The following ARHGAP15 variants were observed in gnomAD, a reference collection of about 807,000 sequenced individuals.
The protein encoded by ARHGAP15 is rho GTPase-activating protein 15.
ARHGAP15 carries 51 observed loss-of-function variants against 63.7 expected under a neutral mutation model. The observed-to-expected ratio is 0.80, with a 90% CI of 0.64 to 1.01. The LOEUF is 1.01. ARHGAP15 is among the 50% of genes least tolerant of loss of function. The pLI is 0.00. For missense variants in ARHGAP15, 560 were observed against 564.6 expected (o/e 0.99, Z 0.08); for synonymous variants, 191 against 193.8 (o/e 0.99, Z 0.12).
intron 1 of ARHGAP15, among the ~76,000 whole-genome samples, chr2:143,150,049 G>C (rs186968822): frequency 4.6e-5 from 7 of 151,902 alleles, no homozygotes; most frequent in African/African-American, 1.7e-4. Context: ...GGATGCTGGG[G>C]GGTGTGGGCC....
intron 13 of ARHGAP15, among the ~76,000 whole-genome samples, chr2:143,745,200 T>C (rs1461058139): frequency 6.6e-6 from 1 of 152,244 alleles, no homozygotes; most frequent in African/African-American, 2.4e-5. Context: ...TAGATGTATC[T>C]GGTTACCTTT....
chr2:143,382,171 G>A (rs1345891321), intron 6 of ARHGAP15, among the ~76,000 whole-genome samples: 1 of 147,604 alleles, frequency 6.8e-6, no homozygotes, highest in Non-Finnish European at 1.5e-5. Context: ...CAGCCTCAGT[G>A]TCACTAGCTT....
chr2:143,257,010 C>T (rs576515113), intron 6 of ARHGAP15, among the ~76,000 whole-genome samples: 5 of 151,972 alleles, frequency 3.3e-5, no homozygotes, highest in Non-Finnish European at 7.4e-5. Flanking sequence ...TCTTTTTGCA[C>T]GTTTAATTTT....
At chr2:143,624,486 A>G (rs1698762843) in intron 12 of ARHGAP15, among the ~76,000 whole-genome samples, 1 of 152,056 alleles carries the variant, frequency 6.6e-6, no homozygotes, top group Non-Finnish European at 1.5e-5. Flanking sequence ...GAAAAAAAAT[A>G]TGACATCCTA....
intron 11 of ARHGAP15, among the ~76,000 whole-genome samples, chr2:143,596,108 C>A (rs573895886): frequency 1.3e-5 from 2 of 152,178 alleles, no homozygotes; most frequent in Admixed American, 1.3e-4. Context: ...GATTATGTGG[C>A]ATGTAGATTC....
intron 11 of ARHGAP15, among the ~76,000 whole-genome samples, chr2:143,596,462 C>A (rs1211708409): frequency 6.6e-6 from 1 of 152,186 alleles, no homozygotes; most frequent in South Asian, 2.1e-4. Flanking sequence ...AGAGTTGCAA[C>A]TCATAGTCTG....
intron 6 of ARHGAP15, among the ~76,000 whole-genome samples, chr2:143,330,124 AAAAAAAACCAAAAACAAAAAAC>A (rs1684468212): frequency 4.8e-5 from 4 of 84,150 alleles, no homozygotes; most frequent in Non-Finnish European, 1.0e-4. Context: ...AAAAAAAAAA[AAAAAAAACCAAAAACAAAAAAC>A]TAAACTAATG....
chr2:143,744,599 A>G (rs1432319556), intron 13 of ARHGAP15, among the ~76,000 whole-genome samples: 1 of 152,240 alleles, frequency 6.6e-6, no homozygotes, highest in Non-Finnish European at 1.5e-5. Context: ...CAAGAGTGCG[A>G]ATGTATAAAC....
chr2:143,237,735 A>C (rs1258613119), intron 5 of ARHGAP15: 1 of 152,220 alleles, frequency 6.6e-6, no homozygotes, highest in Non-Finnish European at 1.5e-5. Context: ...CAGAAAATTT[A>C]GTGTCACTTT....
At position 143,373,545 on chromosome 2, in the gene ARHGAP15, G is replaced by A. The variant is rs540120356; in HGVS notation, c.475-62056G>A. Reference sequence around the variant, plus strand: ...CTTGGGAGGCTGAGGCAGGAGAATGGCATGAGCTGGGGAGGCGGAGCTTGC... The same window carrying A: ...CTTGGGAGGCTGAGGCAGGAGAATGACATGAGCTGGGGAGGCGGAGCTTGC... On this transcript the variant is annotated intron_variant, in intron 6 of 13. Coordinates refer to ENST00000295095, the MANE Select transcript of ARHGAP15 (RefSeq NM_018460.4). Among the ~76,000 whole-genome samples the A allele has an allele frequency of 3.4e-5, 5 of 146,920 alleles. No homozygotes were observed. The East Asian group carries it at 9.9e-4, about 29-fold the overall frequency.
chr2:143,662,124 GACAA>G (rs1559110737), intron 12 of ARHGAP15, among the ~76,000 whole-genome samples: 4 of 152,374 alleles, frequency 2.6e-5, no homozygotes, highest in Non-Finnish European at 5.9e-5. Context: ...GCAGGGCACA[GACAA>G]ACAAAAAGCA....
At chr2:143,140,864 C>T (rs1357882250) in intron 1 of ARHGAP15, among the ~76,000 whole-genome samples, 1 of 152,148 alleles carries the variant, frequency 6.6e-6, no homozygotes, top group African/African-American at 2.4e-5. Context: ...GGGAAGACAA[C>T]CAGCTATGGT....
intron 6 of ARHGAP15, among the ~76,000 whole-genome samples, chr2:143,258,545 TC>T (rs1212165005): frequency 6.6e-6 from 1 of 152,022 alleles, no homozygotes; most frequent in Non-Finnish European, 1.5e-5. Flanking sequence ...GAAAAAAAAT[TC>T]AAAAGGATAT....
At chr2:143,511,323 G>A (rs2104960287) in intron 9 of ARHGAP15, among the ~76,000 whole-genome samples, 1 of 152,210 alleles carries the variant, frequency 6.6e-6, no homozygotes, top group Admixed American at 6.5e-5. Flanking sequence ...CCCAATCAAT[G>A]TATATCCTGC....
intron 12 of ARHGAP15, among the ~76,000 whole-genome samples, chr2:143,671,527 C>T (rs1231236222): frequency 6.6e-6 from 1 of 152,120 alleles, no homozygotes; most frequent in South Asian, 2.1e-4. Flanking sequence ...ATTGTTTTAT[C>T]TTTGCAAAAT....
chr2:143,155,730 A>C, intron 2 of ARHGAP15, 75 bp downstream of exon 2: 1 of 1,423,994 alleles, frequency 7.0e-7, no homozygotes, highest in Admixed American at 2.5e-5. Context: ...AAAGCTAATT[A>C]GTCTTGTTTT....
intron 6 of ARHGAP15, among the ~76,000 whole-genome samples, chr2:143,324,939 A>G (rs922078608): frequency 6.6e-6 from 1 of 152,214 alleles, no homozygotes; most frequent in African/African-American, 2.4e-5. Flanking sequence ...AAAAAACATG[A>G]TTATAATGAA....
chr2:143,666,456 C>T (rs1222858171), intron 12 of ARHGAP15, among the ~76,000 whole-genome samples: 1 of 151,306 alleles, frequency 6.6e-6, no homozygotes, highest in Non-Finnish European at 1.5e-5. Flanking sequence ...GACCTAAAAC[C>T]ATAAAAACCC....
intron 13 of ARHGAP15, among the ~76,000 whole-genome samples, chr2:143,766,224 A>G (rs1292711104): frequency 6.6e-6 from 1 of 152,192 alleles, no homozygotes; most frequent in Non-Finnish European, 1.5e-5. Context: ...CCATAGTCTG[A>G]AAGTATGAAA....
Sources: gnomAD v4.1 joint callset for allele counts (sites outside exome capture counted in the v4.1 genomes callset) on GRCh38, gnomAD v4.1.1 for gene constraint, MANE v1.5 for transcripts, NCBI Gene and HGNC (gene_info 2026-07-23, HGNC 2026-07-21) for gene names.